NEURL1: variants seen among roughly 807,000 people sequenced by gnomAD.
The protein encoded by NEURL1 is neuralized E3 ubiquitin protein ligase 1, also known as E3 ubiquitin-protein ligase NEURL1.
In NEURL1, 26 loss-of-function variants were observed where a neutral mutation model predicts 41.2. That is an observed-to-expected ratio of 0.63 (90% CI 0.46 to 0.87). The LOEUF (loss-of-function observed/expected upper bound fraction) is 0.87. Among genes scored for constraint, NEURL1 ranks in the 40% least tolerant of loss-of-function variants. NEURL1 has a pLI of 0.00. For missense variants in NEURL1, 761 were observed against 871.1 expected (o/e 0.87, Z 1.59); for synonymous variants, 400 against 402.3 (o/e 0.99, Z 0.07).
chr10:103,561,220 AC>A (rs2133872645), intron 1 of NEURL1, among the ~76,000 whole-genome samples: 1 of 150,460 alleles, frequency 6.6e-6, no homozygotes, highest in South Asian at 2.1e-4. Flanking sequence ...TCTTTTTATA[AC>A]CCAGTCTTGG....
At chr10:103,516,362 G>T (rs892904412) in intron 1 of NEURL1, among the ~76,000 whole-genome samples, 4 of 151,420 alleles carry the variant, frequency 2.6e-5, no homozygotes, top group Admixed American at 2.6e-4. Flanking sequence ...GTGACTGGGA[G>T]AATGGTGATC....
intron 1 of NEURL1, among the ~76,000 whole-genome samples, chr10:103,557,882 T>C (rs2035191364): frequency 6.6e-6 from 1 of 152,144 alleles, no homozygotes; most frequent in Non-Finnish European, 1.5e-5. Flanking sequence ...TCTTTTCTTT[T>C]CTTTTCTTTT....
intron 1 of NEURL1, among the ~76,000 whole-genome samples, chr10:103,541,649 C>T (rs2034822905): frequency 6.6e-6 from 1 of 152,142 alleles, no homozygotes; most frequent in Non-Finnish European, 1.5e-5. Flanking sequence ...AAGCGTCCAC[C>T]CTGCAGTGGA....
intron 1 of NEURL1, among the ~76,000 whole-genome samples, chr10:103,522,566 C>T (rs1161766545): frequency 7.0e-6 from 1 of 142,752 alleles, no homozygotes; most frequent in African/African-American, 2.6e-5. Context: ...CACGCCATTG[C>T]ACTCCAGCCT....
intron 1 of NEURL1, among the ~76,000 whole-genome samples, chr10:103,570,460 G>T (rs1683193338): frequency 6.6e-6 from 1 of 152,154 alleles, no homozygotes; most frequent in South Asian, 2.1e-4. Context: ...CAGCAGATAT[G>T]TCATAAATAT....
intron 4 of NEURL1, chr10:103,588,603 T>C: frequency 2.9e-6 from 1 of 343,112 alleles, no homozygotes; most frequent in South Asian, 2.1e-5. Context: ...AAGGATTTGT[T>C]GAAGGGAGGA....
At chr10:103,517,704 C>T (rs944620041) in intron 1 of NEURL1, among the ~76,000 whole-genome samples, 1 of 152,224 alleles carries the variant, frequency 6.6e-6, no homozygotes, top group African/African-American at 2.4e-5. Flanking sequence ...AGATGGACTT[C>T]CTGGCACCTT....
At chr10:103,518,216 A>G (rs1383676660) in intron 1 of NEURL1, among the ~76,000 whole-genome samples, 1 of 149,756 alleles carries the variant, frequency 6.7e-6, no homozygotes, top group African/African-American at 2.5e-5. Context: ...TTTACACATT[A>G]ATGAGGTACC....
chr10:103,571,201 C>T (rs1240648099), intron 2 of NEURL1, 88 bp downstream of exon 2: 36 of 1,366,272 alleles, frequency 2.6e-5, no homozygotes, highest in South Asian at 5.1e-5. Context: ...GCCCCTCAGC[C>T]GCTGCCTGCT....
chr10:103,513,379 GT>G (rs1400189157), intron 1 of NEURL1, among the ~76,000 whole-genome samples: 2 of 152,234 alleles, frequency 1.3e-5, no homozygotes, highest in Non-Finnish European at 2.9e-5. Flanking sequence ...GAAATTCATT[GT>G]TTTTCACTGG....
At chr10:103,505,741 A>C (rs952724742) in intron 1 of NEURL1, among the ~76,000 whole-genome samples, 6 of 152,220 alleles carry the variant, frequency 3.9e-5, no homozygotes, top group African/African-American at 1.4e-4. Flanking sequence ...TGGAGGCCAC[A>C]TGAAGGGTGT....
intron 1 of NEURL1, among the ~76,000 whole-genome samples, chr10:103,519,016 G>T (rs1022726947): frequency 1.3e-5 from 2 of 152,150 alleles, no homozygotes; most frequent in Non-Finnish European, 2.9e-5. Flanking sequence ...AGGCTGAGGC[G>T]GGTGGATCGC....
chr10:103,520,762 A>C (rs2034329997), intron 1 of NEURL1, among the ~76,000 whole-genome samples: 1 of 152,170 alleles, frequency 6.6e-6, no homozygotes, highest in Non-Finnish European at 1.5e-5. Flanking sequence ...GGCTGCTTCC[A>C]GCGGGATTAG....
In NEURL1 at chr10:103,584,654, C is replaced by A; in HGVS notation, c.768C>A (p.Asn256Lys). Reference protein sequence around the residue: ...ARLSVSLCDLNVPGADGDEAA... With the variant: ...ARLSVSLCDLKVPGADGDEAA... ...TCTCGGTGAGCCTATGCGACCTCAA[C>A]GTGCCGGGCGCGGACGGCGACGAGG... Residue 256 changes from asparagine to lysine, a missense_variant, in exon 4 of 6, where the codon AAC becomes AAA. This residue lies in a region of NEURL1 where 443 missense variants were observed against 408.1 expected (regional missense o/e 1.09). Transcript: ENST00000369780. 4 of 1,425,754 alleles carry A rather than the reference C, an allele frequency of 2.8e-6. No homozygotes were observed. The highest frequency in any genetic ancestry group is 3.6e-6 in the Non-Finnish European group (4 of 1,095,960). The allele number at this position is 1,425,754 out of a possible 1,614,324, so 88.3% of individuals were successfully genotyped here. A position where few individuals can be genotyped will look rare whatever the true frequency, so the allele number is the denominator to read the frequency against.
intron 3 of NEURL1, among the ~76,000 whole-genome samples, chr10:103,576,632 C>T (rs2035672042): frequency 6.6e-6 from 1 of 152,132 alleles, no homozygotes; most frequent in Non-Finnish European, 1.5e-5. Flanking sequence ...ACCCAGATCT[C>T]TCAGGCTGAT....
chr10:103,513,067 C>A (rs1024522014), intron 1 of NEURL1, among the ~76,000 whole-genome samples: 2 of 152,012 alleles, frequency 1.3e-5, no homozygotes, highest in Admixed American at 6.6e-5. Context: ...TCCATTGACA[C>A]CCCCCCAGGC....
intron 1 of NEURL1, among the ~76,000 whole-genome samples, chr10:103,537,632 G>A (rs953376812): frequency 3.9e-5 from 6 of 152,182 alleles, no homozygotes; most frequent in Non-Finnish European, 5.9e-5. Context: ...GAGTTCAAGC[G>A]ATCCGCCCAC....
chr10:103,589,781 G>C, intron 5 of NEURL1, 121 bp downstream of exon 5: 1 of 1,368,008 alleles, frequency 7.3e-7, no homozygotes, highest in Non-Finnish European at 9.9e-7. Context: ...ACCCTTGTTG[G>C]GGGGTGATTT....
At position 103,589,999 on chromosome 10, in the gene NEURL1, A is replaced by T. The variant is rs374181485; in HGVS notation, c.1487-135A>T. The T allele has an allele frequency of 9.0e-4, 822 of 917,466 alleles. 4 individuals carry two copies. The highest frequency in any genetic ancestry group is 5.8e-3 in the Middle Eastern group (17 of 2,948). 56.8% of individuals were successfully genotyped at this position (917,466 alleles called of 1,614,324 possible). A position where few individuals can be genotyped will look rare whatever the true frequency, so the allele number is the denominator to read the frequency against. ...CTCAGCCTCTTCCCTTGTGCCCTGGAAGTTGGGTTGTCAGGGTGAACAGGC... is the reference window on the plus strand; with the variant it reads ...CTCAGCCTCTTCCCTTGTGCCCTGGTAGTTGGGTTGTCAGGGTGAACAGGC... On this transcript the variant is annotated intron_variant, in intron 5 of 5. Transcript: ENST00000369780.
Sources: gnomAD v4.1 joint callset for allele counts (sites outside exome capture counted in the v4.1 genomes callset) on GRCh38, gnomAD v4.1.1 for gene constraint, gnomAD v4.1.1 regional missense constraint, MANE v1.5 for transcripts, NCBI Gene and HGNC (gene_info 2026-07-23, HGNC 2026-07-21) for gene names.